SORCS2: variants seen among roughly 807,000 people sequenced by gnomAD.
The protein encoded by SORCS2 is sortilin related VPS10 domain containing receptor 2.
A neutral mutation model predicts 141.6 loss-of-function variants in SORCS2; 100 were observed. The observed-to-expected ratio is 0.71, with a 90% CI of 0.60 to 0.83. The LOEUF (loss-of-function observed/expected upper bound fraction) is 0.83. Ranked by LOEUF, SORCS2 falls within the 40% of genes least tolerant of loss-of-function variation. The probability of loss-of-function intolerance (pLI) is 0.00; values close to 1 mark genes in which losing one functional copy is unlikely to be tolerated. For missense variants in SORCS2, 1,646 were observed against 1,560.2 expected (o/e 1.05, Z -0.93); for synonymous variants, 789 against 676.9 (o/e 1.17, Z -2.57).
intron 1 of SORCS2, among the ~76,000 whole-genome samples, chr4:7,375,460 G>C (rs116439965): frequency 1.3e-5 from 2 of 152,168 alleles, no homozygotes; most frequent in Admixed American, 6.5e-5. Flanking sequence ...AGGATACCGC[G>C]GTGGGATTTC....
intron 2 of SORCS2, among the ~76,000 whole-genome samples, chr4:7,470,399 A>T (rs984795972): frequency 7.4e-4 from 112 of 151,540 alleles, no homozygotes; most frequent in African/African-American, 2.3e-3. Flanking sequence ...CCTTCCATCC[A>T]TCCATCCAGC....
chr4:7,724,572 G>GATA (rs1292337312), intron 19 of SORCS2, among the ~76,000 whole-genome samples: 3 of 58,390 alleles, frequency 5.1e-5, no homozygotes, highest in Non-Finnish European at 7.5e-5. Context: ...TGGTGGTGGT[G>GATA]ATGGTGATGG....
At chr4:7,477,846 C>T (rs1249542422) in intron 2 of SORCS2, among the ~76,000 whole-genome samples, 1 of 152,182 alleles carries the variant, frequency 6.6e-6, no homozygotes, top group East Asian at 1.9e-4. Context: ...ATGACCTGGG[C>T]CACTTTCCCT....
intron 1 of SORCS2, among the ~76,000 whole-genome samples, chr4:7,390,994 G>T (rs1316072171): frequency 5.9e-5 from 9 of 152,158 alleles, no homozygotes; most frequent in Non-Finnish European, 1.3e-4. Context: ...AGCCTTGGGC[G>T]TCTATGTTCT....
At chr4:7,309,682 C>T (rs1718059018) in intron 1 of SORCS2, among the ~76,000 whole-genome samples, 1 of 152,188 alleles carries the variant, frequency 6.6e-6, no homozygotes, top group Admixed American at 6.5e-5. Flanking sequence ...GGAGTGGTTA[C>T]CATACACCTT....
intron 2 of SORCS2, among the ~76,000 whole-genome samples, chr4:7,510,295 C>T (rs566687156): frequency 2.0e-5 from 3 of 152,336 alleles, no homozygotes; most frequent in African/African-American, 7.2e-5. Context: ...CCTGCGCCGG[C>T]CCCCGATTCG....
chr4:7,733,322 A>T lies in SORCS2; in HGVS notation c.3109A>T (p.Arg1037Trp), dbSNP rs1330465378. The T allele has an allele frequency of 1.3e-6, 2 of 1,548,782 alleles. No individual in the cohort carries two copies. The highest frequency in any genetic ancestry group is 4.9e-5 in the East Asian group (2 of 41,180). ...CTCACTGTCCCCTCTGTGCTTGCAG[A>T]GGCTCGCCGCCATCCAGCAGGTGCT... ...TRKRSLSSDK[R>W]LAAIQQVLNA... Residue 1037 changes from arginine (R) to tryptophan (W), a missense_variant and splice_region_variant, in exon 24 of 27, where the codon AGG becomes TGG. By Grantham distance (101) the Arg-to-Trp change is moderately radical (BLOSUM62 -3). Transcript: ENST00000507866.
At chr4:7,429,876 T>C (rs1205579830) in intron 2 of SORCS2, among the ~76,000 whole-genome samples, 2 of 152,102 alleles carry the variant, frequency 1.3e-5, no homozygotes, top group East Asian at 1.9e-4. Context: ...CTCTGGGGAA[T>C]AGAATAAGAA....
chr4:7,474,796 T>A (rs1385557149), intron 2 of SORCS2, among the ~76,000 whole-genome samples: 1 of 152,192 alleles, frequency 6.6e-6, no homozygotes, highest in Non-Finnish European at 1.5e-5. Flanking sequence ...GCAACAGACA[T>A]TTATCCTCTA....
intron 1 of SORCS2, among the ~76,000 whole-genome samples, chr4:7,370,288 T>G (rs956968141): frequency 6.6e-6 from 1 of 152,178 alleles, no homozygotes; most frequent in Non-Finnish European, 1.5e-5. Flanking sequence ...CTCAGGACTT[T>G]CCTTCTGTTT....
At chr4:7,355,585 C>G (rs928036885) in intron 1 of SORCS2, among the ~76,000 whole-genome samples, 1 of 152,128 alleles carries the variant, frequency 6.6e-6, no homozygotes, top group Non-Finnish European at 1.5e-5. Flanking sequence ...CTTCACTTCT[C>G]CTGTGTGGGT....
intron 1 of SORCS2, among the ~76,000 whole-genome samples, chr4:7,335,113 G>T (rs890611212): frequency 1.3e-5 from 2 of 152,122 alleles, no homozygotes; most frequent in Admixed American, 6.5e-5. Context: ...TGCAGCACCC[G>T]GCCCAGAGCT....
chr4:7,603,160 AGAGGGAGACCATGGAAAGAGAGGGG>A (rs942630914), intron 3 of SORCS2, among the ~76,000 whole-genome samples: 2 of 148,138 alleles, frequency 1.4e-5, no homozygotes, highest in Admixed American at 1.3e-4. Flanking sequence ...AGAGAGAGGG[AGAGGGAGACCATGGAAAGAGAGGGG>A]GAGGGGGAGG....
At position 7,664,653 on chromosome 4, in the gene SORCS2, C is replaced by T. The variant is rs976975978; in HGVS notation, c.1071+182C>T. The stretch of plus-strand genomic sequence containing the variant: ...GGCTGCAGCCATCCACAGAAGCCCT[C>T]GCAAGCCCAGAACTGTGGCTCAGGG... On this transcript the variant is annotated intron_variant, in intron 7 of 26. Transcript: ENST00000507866. The surrounding 1 kb of genome is among the most constrained non-coding windows in gnomAD (Gnocchi z 4.7). Among the ~76,000 whole-genome samples the T allele has an allele frequency of 3.3e-5, 5 of 152,214 alleles. No homozygotes were observed. Among genetic ancestry groups the T allele is most frequent in the African/African-American group, 7.2e-5 (3 of 41,466 alleles).
In SORCS2 at chr4:7,726,814, G is replaced by A. The variant is rs1293249543; in HGVS notation, c.2780G>A (p.Arg927Gln). ...LLSLDNSVTT[R>Q]FSDTGDVRVT... The stretch of plus-strand genomic sequence containing the variant: ...TCCCTGGATAATTCTGTGACAACGC[G>A]GTTTTCGGACACGGGCGACGTGCGT... Residue 927 changes from arginine (R) to glutamine (Q), a missense_variant, in exon 21 of 27, where the codon CGG (arginine) becomes CAG (glutamine). Coordinates refer to ENST00000507866, the MANE Select transcript of SORCS2 (RefSeq NM_020777.3). 5 of 1,613,822 alleles carry A rather than the reference G, an allele frequency of 3.1e-6. No homozygotes were observed. The highest frequency in any genetic ancestry group is 1.3e-5 in the African/African-American group (1 of 75,038).
At chr4:7,549,065 G>A (rs1403789217) in intron 3 of SORCS2, among the ~76,000 whole-genome samples, 3 of 152,102 alleles carry the variant, frequency 2.0e-5, no homozygotes, top group Non-Finnish European at 4.4e-5. Flanking sequence ...CAGGGAAGGA[G>A]GGTTCTCCAA....
At chr4:7,400,965 G>A (rs7437397) in intron 2 of SORCS2, among the ~76,000 whole-genome samples, 1 of 151,968 alleles carries the variant, frequency 6.6e-6, no homozygotes, top group Non-Finnish European at 1.5e-5. Flanking sequence ...ATGAATGGAT[G>A]GATGGATGAA....
intron 1 of SORCS2, among the ~76,000 whole-genome samples, chr4:7,368,068 G>C (rs1270060371): frequency 6.6e-6 from 1 of 152,136 alleles, no homozygotes; most frequent in African/African-American, 2.4e-5. Flanking sequence ...TTTTACAGAG[G>C]ACTTACCACC....
intron 8 of SORCS2, among the ~76,000 whole-genome samples, chr4:7,667,770 G>T (rs34556029): frequency 0.053 from 8,025 of 152,310 alleles, 247 homozygotes; most frequent in Middle Eastern, 0.082. Flanking sequence ...GGGGGACCAG[G>T]GGAGCTGGGG....
Sources: gnomAD v4.1 joint callset for allele counts (sites outside exome capture counted in the v4.1 genomes callset) on GRCh38, gnomAD v4.1.1 for gene constraint, Gnocchi (gnomAD v3.1) non-coding constraint, MANE v1.5 for transcripts, NCBI Gene and HGNC (gene_info 2026-07-23, HGNC 2026-07-21) for gene names.